The following PRDM2 variants were observed in gnomAD, a reference collection of about 807,000 sequenced individuals.
PRDM2 encodes the protein PR/SET domain 2, also known as PR domain zinc finger protein 2.
A neutral mutation model predicts 130.0 loss-of-function variants in PRDM2; 30 were observed. The observed-to-expected ratio is 0.23, with a 90% CI of 0.17 to 0.31. The LOEUF (loss-of-function observed/expected upper bound fraction) is 0.31. Among genes scored for constraint, PRDM2 ranks in the 10% least tolerant of loss-of-function variants. The probability of loss-of-function intolerance (pLI) is 1.00; values close to 1 mark genes in which losing one functional copy is unlikely to be tolerated. For missense variants in PRDM2, 2,011 were observed against 2,108.4 expected, an observed-to-expected ratio of 0.95 and a Z score of 0.90; for synonymous variants, 871 against 782.4, an observed-to-expected ratio of 1.11 and a Z score of -1.89.
chr1:13,813,804 C>T (rs1290294523), intron 8 of PRDM2, among the ~76,000 whole-genome samples: 2 of 152,198 alleles, frequency 1.3e-5, no homozygotes, highest in Non-Finnish European at 2.9e-5. Context: ...AGGAGGCGCG[C>T]CCCCTGGTGG....
At chr1:13,720,342 G>A (rs142492202) in intron 2 of PRDM2, among the ~76,000 whole-genome samples, 1 of 152,310 alleles carries the variant, frequency 6.6e-6, no homozygotes, top group Non-Finnish European at 1.5e-5. Flanking sequence ...TGTCTAAAGA[G>A]TATGGAGAGA....
chr1:13,723,675 G>A (rs947043999), intron 2 of PRDM2, among the ~76,000 whole-genome samples: 1 of 152,102 alleles, frequency 6.6e-6, no homozygotes, highest in South Asian at 2.1e-4. Flanking sequence ...CTTTGATAAG[G>A]GCATTCTGAG....
At chr1:13,783,106 A>C (rs1429760026) in intron 8 of PRDM2, 2 of 686,796 alleles carry the variant, frequency 2.9e-6, no homozygotes, top group Non-Finnish European at 4.7e-6. Context: ...AGCTCTCAAA[A>C]GTACTCTAAG....
At chr1:13,775,079 A>G (rs1269114275) in intron 7 of PRDM2, among the ~76,000 whole-genome samples, 5 of 152,226 alleles carry the variant, frequency 3.3e-5, no homozygotes, top group Non-Finnish European at 5.9e-5. Flanking sequence ...TGTCCTCAGC[A>G]AATGGTCTAT....
At position 13,778,619 on chromosome 1, in the gene PRDM2, A is replaced by G. The variant is rs1022618139; in HGVS notation, c.824A>G (p.Glu275Gly). The G allele has an allele frequency of 4.3e-6, 7 of 1,613,724 alleles. No individual in the cohort carries two copies. Among genetic ancestry groups the G allele is most frequent in the Non-Finnish European group, 5.9e-6 (7 of 1,179,702 alleles). The change falls in exon 8 of 10, where the codon GAG becomes GGG. Residue 275 changes from glutamate to glycine, a missense_variant. By Grantham distance (98) the Glu-to-Gly change is moderately conservative. Transcript: ENST00000311066. ...GGGGAAGAGGAGGAGGAGGAAGAGG[A>G]GGAGGATGAAGAAGAAGAAGAAGAT... ...DLGEEEEEEE[E>G]EDEEEEEDDD...
intron 4 of PRDM2, among the ~76,000 whole-genome samples, chr1:13,736,709 T>C (rs961274529): frequency 6.6e-5 from 10 of 152,174 alleles, no homozygotes; most frequent in Admixed American, 5.9e-4. Flanking sequence ...CTATTAATTA[T>C]TTATACAACC....
intron 1 of PRDM2, among the ~76,000 whole-genome samples, chr1:13,703,548 T>C (rs1642126762): frequency 6.6e-6 from 1 of 152,256 alleles, no homozygotes; most frequent in African/African-American, 2.4e-5. Flanking sequence ...GTGACTTTAT[T>C]GAATGGTCAG....
chr1:13,730,946 C>A (rs61775108), intron 2 of PRDM2, 54 bp from the exon 3 acceptor site: 1 of 1,311,202 alleles, frequency 7.6e-7, no homozygotes, highest in Non-Finnish European at 1.0e-6. Context: ...AAAAAAAACC[C>A]ATGATTTGAG....
At chr1:13,733,527 G>A (rs1179745431) in intron 4 of PRDM2, among the ~76,000 whole-genome samples, 2 of 152,174 alleles carry the variant, frequency 1.3e-5, no homozygotes, top group East Asian at 1.9e-4. Context: ...CTGCCTCACT[G>A]GGAGGCAGTT....
At chr1:13,782,901 G>T (rs565892824) in intron 8 of PRDM2, 70 bp downstream of exon 8, 2 of 1,579,052 alleles carry the variant, frequency 1.3e-6, no homozygotes, top group Non-Finnish European at 8.5e-7. Flanking sequence ...GGTGTTTTTT[G>T]GTTTCTTGTT....
chr1:13,708,574 C>T (rs1222290182), intron 1 of PRDM2, among the ~76,000 whole-genome samples: 1 of 152,166 alleles, frequency 6.6e-6, no homozygotes, highest in Non-Finnish European at 1.5e-5. Flanking sequence ...CTGCTCTATG[C>T]ATTCGGGGAG....
At chr1:13,787,150 G>T (rs1644758652) in intron 8 of PRDM2, 3 of 985,144 alleles carry the variant, frequency 3.0e-6, no homozygotes, top group Non-Finnish European at 3.6e-6. Context: ...TGCCTATTCT[G>T]GTGTTGCGTT....
In PRDM2 at chr1:13,806,602, C is replaced by G. The variant is rs185256306; in HGVS notation, c.5037-9825C>G. Among the ~76,000 whole-genome samples the G allele has an allele frequency of 1.5e-3, 227 of 152,280 alleles. 1 individual carries two copies. Among genetic ancestry groups the G allele is most frequent in the African/African-American group, 5.0e-3 (207 of 41,556 alleles). On this transcript the variant is annotated intron_variant, in intron 8 of 9. Transcript: ENST00000311066. The surrounding 1 kb of genome is among the most constrained non-coding windows in gnomAD (Gnocchi z 4.1). ...CACATCCAGCTCATCAGCAGATCCC[C>G]AAACTCACCCGGAATCCACAGCTTC...
chr1:13,779,525 A>G lies in PRDM2; in HGVS notation c.1730A>G (p.Asn577Ser). ...TATATTGATGGTAAAATTCAAACTA[A>G]TAACAACACTAGTAACTGTGATGTG... is the stretch of plus-strand genomic sequence containing the variant. ...NYYIDGKIQT[N>S]NNTSNCDVIE... The change falls in exon 8 of 10, where the codon AAT becomes AGT. Residue 577 changes from asparagine (N) to serine (S), a missense_variant. Transcript: ENST00000311066. This position sits in a 1 kb window ranked among gnomAD's most constrained non-coding sequence, Gnocchi z 4.9. 1 of 1,614,112 alleles carries G rather than the reference A, an allele frequency of 6.2e-7. No homozygotes were observed. Among genetic ancestry groups the G allele is most frequent in the East Asian group, 2.2e-5 (1 of 44,880 alleles).
intron 8 of PRDM2, among the ~76,000 whole-genome samples, chr1:13,816,121 T>A (rs777060060): frequency 2.6e-5 from 4 of 151,952 alleles, no homozygotes; most frequent in Non-Finnish European, 4.4e-5. Context: ...CCACTGGGGG[T>A]CACCAGACGG....
intron 8 of PRDM2, among the ~76,000 whole-genome samples, chr1:13,799,075 AAC>A (rs1019019972): frequency 2.0e-4 from 30 of 152,322 alleles, no homozygotes; most frequent in African/African-American, 7.0e-4. Context: ...ACTCCAGGCA[AAC>A]ACAGAGGTCT....
In PRDM2 at chr1:13,816,463, A is replaced by G. The variant is rs374586958; in HGVS notation, c.5073A>G (p.Pro1691=). The stretch of plus-strand genomic sequence containing the variant: ...GCTTGGCGTCCCGATGCTCTCCACC[A>G]GCGGCCCCGTACATCACCAGGCAGT... ...SLRLASRCSP[P]AAPYITRQYR... The change falls in exon 9 of 10, where the codon CCA becomes CCG. Residue 1691 remains proline, a synonymous_variant. Transcript: ENST00000311066. 1 of 1,614,138 alleles carries G rather than the reference A, an allele frequency of 6.2e-7. No individual in the cohort carries two copies. Among genetic ancestry groups the G allele is most frequent in the Non-Finnish European group, 8.5e-7 (1 of 1,180,028 alleles).
chr1:13,777,133 A>G (rs1015155632), intron 7 of PRDM2, among the ~76,000 whole-genome samples: 1 of 152,252 alleles, frequency 6.6e-6, no homozygotes, highest in South Asian at 2.1e-4. Flanking sequence ...TTTATTAGCC[A>G]GGATTATTGC....
rs376951204 is a variant in PRDM2 at position 13,799,388 on chromosome 1, T to C, written c.5036+16557T>C. On this transcript the variant is annotated intron_variant, in intron 8 of 9. Coordinates refer to ENST00000311066, the MANE Select transcript of PRDM2 (RefSeq NM_001393986.1). ...TGAACCCGGGAGGCGGAGGCTGCCA[T>C]GAGCTGAGATCGCGCCATTGCACTC... Among the ~76,000 whole-genome samples the C allele has an allele frequency of 1.0e-4, 15 of 150,450 alleles. No homozygotes were observed. In the East Asian group the frequency reaches 1.2e-3, roughly 12 times the overall value.
Sources: gnomAD v4.1 joint callset for allele counts (sites outside exome capture counted in the v4.1 genomes callset) on GRCh38, gnomAD v4.1.1 for gene constraint, Gnocchi (gnomAD v3.1) non-coding constraint, MANE v1.5 for transcripts, NCBI Gene and HGNC (gene_info 2026-07-23, HGNC 2026-07-21) for gene names.